The following MPP4 variants were observed in gnomAD, a reference collection of about 807,000 sequenced individuals.
MPP4 encodes MAGUK p55 subfamily member 4.
Under a neutral mutation model 98.3 loss-of-function variants are expected in MPP4, and 91 were observed. The ratio of observed to expected loss-of-function variants is 0.93; its 90% confidence interval spans 0.78 to 1.10. The LOEUF (loss-of-function observed/expected upper bound fraction) is 1.10, where lower values mean the gene tolerates loss of function less well. MPP4 is among the 50% of genes least tolerant of loss of function. The pLI, the probability that MPP4 is intolerant of heterozygous loss-of-function variation, is 0.00. For missense variants in MPP4, 744 were observed against 792.9 expected, an observed-to-expected ratio of 0.94 and a Z score of 0.74; for synonymous variants, 261 against 271.8, an observed-to-expected ratio of 0.96 and a Z score of 0.39.
chr2:201,655,351 C>G (rs1162708527), intron 17 of MPP4, among the ~76,000 whole-genome samples: 1 of 152,202 alleles, frequency 6.6e-6, no homozygotes, highest in Non-Finnish European at 1.5e-5. Flanking sequence ...GATGATCGAT[C>G]AGCACCCCCA....
At chr2:201,663,724 A>G (rs1688088038) in intron 14 of MPP4, among the ~76,000 whole-genome samples, 1 of 152,086 alleles carries the variant, frequency 6.6e-6, no homozygotes, top group African/African-American at 2.4e-5. Context: ...CTCAAAATAA[A>G]TAAATAAATT....
rs552570147 is a variant in MPP4 at position 201,650,490 on chromosome 2, G to T, written c.1382-325C>A. The T allele has an allele frequency of 1.2e-3, 1,209 of 985,354 alleles. 1 individual carries two copies. The highest frequency in any genetic ancestry group is 1.4e-3 in the Non-Finnish European group (1,163 of 829,910). 61.0% of individuals were successfully genotyped at this position (985,354 alleles called of 1,614,324 possible). On this transcript the variant is annotated intron_variant, in intron 18 of 21. Transcript: ENST00000409474. The stretch of plus-strand genomic sequence containing the variant: ...TGTGTGAACCTTTAGATGCCTGAAA[G>T]CTCCCAGGTAGCAATACCAATAATA...
chr2:201,668,449 T>TTTCTC (rs113238787), intron 12 of MPP4, among the ~76,000 whole-genome samples: 24,729 of 149,696 alleles, frequency 0.17, 2,189 homozygotes, highest in African/African-American at 0.23. Flanking sequence ...TCTCTCTCTC[T>TTTCTC]TTCTCTTCTC....
intron 1 of MPP4, among the ~76,000 whole-genome samples, chr2:201,696,582 C>T (rs188948872): frequency 3.7e-4 from 56 of 152,266 alleles, no homozygotes; most frequent in African/African-American, 1.2e-3. Context: ...ATTTAATGCC[C>T]GAATGACTGT....
At chr2:201,645,645 A>G (rs1210817815) in intron 21 of MPP4, among the ~76,000 whole-genome samples, 1 of 152,080 alleles carries the variant, frequency 6.6e-6, no homozygotes, top group East Asian at 1.9e-4. Context: ...GTGGCTAAGT[A>G]TAGATAAAAT....
chr2:201,673,587 G>T (rs751768653), intron 11 of MPP4: 19 of 186,994 alleles, frequency 1.0e-4, no homozygotes, highest in Middle Eastern at 5.0e-4. Context: ...GAAAAAAAAA[G>T]ATGTTAAGTT....
At chr2:201,655,159 C>A (rs1284295612) in intron 17 of MPP4, among the ~76,000 whole-genome samples, 2 of 152,204 alleles carry the variant, frequency 1.3e-5, no homozygotes, top group East Asian at 1.9e-4. Flanking sequence ...ATCACAGGAA[C>A]CTGACCCCCA....
At chr2:201,698,139 T>G (rs1481672045) in intron 1 of MPP4, 1 of 851,718 alleles carries the variant, frequency 1.2e-6, no homozygotes, top group Non-Finnish European at 1.3e-6. Context: ...TCCTAAATCT[T>G]GTTTTAAAAG....
intron 13 of MPP4, 49 bp from the exon 14 acceptor site, chr2:201,664,150 T>C: frequency 1.3e-6 from 2 of 1,524,880 alleles, no homozygotes; most frequent in South Asian, 1.2e-5. Flanking sequence ...TACATGACCA[T>C]CTACACTGAG....
chr2:201,683,042 A>T, intron 7 of MPP4, 126 bp from the exon 8 acceptor site: 1 of 638,998 alleles, frequency 1.6e-6, no homozygotes. Context: ...ATATAAAATA[A>T]TAATAGAAAA....
rs1332800474 is a variant in MPP4, at chr2:201,678,903, A to G, written c.929+1935T>C. On this transcript the variant is annotated intron_variant, in intron 10 of 21. Coordinates refer to ENST00000409474, the MANE Select transcript of MPP4 (RefSeq NM_033066.3). ...AGTTCTCAATGATTTTATCACACATACAAATGTCCCTTTCAGCACCCTGGC... is the reference window on the plus strand; with the variant it reads ...AGTTCTCAATGATTTTATCACACATGCAAATGTCCCTTTCAGCACCCTGGC... Among the ~76,000 whole-genome samples, 5 of 152,030 alleles carry G rather than the reference A, an allele frequency of 3.3e-5. No homozygotes were observed. The South Asian group carries it at 1.0e-3, about 32-fold the overall frequency.
intron 11 of MPP4, among the ~76,000 whole-genome samples, chr2:201,674,894 A>C (rs920216336): frequency 2.6e-5 from 4 of 152,052 alleles, no homozygotes; most frequent in African/African-American, 9.7e-5. Flanking sequence ...ATCTGGACCC[A>C]CCAACCAATG....
rs762246452 is a variant in MPP4, at chr2:201,645,397, T to C, written c.1727A>G (p.Asp576Gly). ...YYVDMKFKDE[D>G]LQEMENLAQR... ...GGCTAAATTTTCCATCTCTTGTAGG[T>C]CTTCATCCTTTAGGAGAAATAGAAA... Residue 576 changes from aspartate to glycine, a missense_variant, in exon 22 of 22, where the codon GAC becomes GGC. Coordinates refer to ENST00000409474, the MANE Select transcript of MPP4 (RefSeq NM_033066.3). The C allele has an allele frequency of 3.3e-5, 54 of 1,613,818 alleles. No homozygotes were observed. Among genetic ancestry groups the C allele is most frequent in the Non-Finnish European group, 4.5e-5 (53 of 1,179,760 alleles).
At position 201,678,172 on chromosome 2, in the gene MPP4, C is replaced by G. The variant is rs142591959; in HGVS notation, c.929+2666G>C. On this transcript the variant is annotated intron_variant, in intron 10 of 21. Coordinates refer to ENST00000409474, the MANE Select transcript of MPP4 (RefSeq NM_033066.3). ...TATCATTCTTTGTTTGTGTGCCCCCCCAAGAAACCCATAATTGGGTTTTGT... is the reference window on the plus strand; with the variant it reads ...TATCATTCTTTGTTTGTGTGCCCCCGCAAGAAACCCATAATTGGGTTTTGT... 2.3e-3 allele frequency among the ~76,000 whole-genome samples: 345 copies of G among 152,262 alleles called. 2 individuals are homozygous for G. Among genetic ancestry groups the G allele is most frequent in the African/African-American group, 6.9e-3 (288 of 41,538 alleles).
chr2:201,668,969 C>G (rs1278682012), intron 12 of MPP4, among the ~76,000 whole-genome samples: 1 of 152,094 alleles, frequency 6.6e-6, no homozygotes, highest in East Asian at 1.9e-4. Context: ...CATAGATCAG[C>G]CTTCAAAAGT....
intron 9 of MPP4, among the ~76,000 whole-genome samples, chr2:201,681,293 C>T (rs1461157600): frequency 6.6e-6 from 1 of 152,138 alleles, no homozygotes; most frequent in Non-Finnish European, 1.5e-5. Context: ...TATGTTGCTT[C>T]TTGACTTCTT....
In MPP4 at chr2:201,653,339, T is replaced by G. The variant is rs188178510; in HGVS notation, c.1381+1498A>C. On this transcript the variant is annotated intron_variant, in intron 18 of 21. Coordinates refer to ENST00000409474, the MANE Select transcript of MPP4 (RefSeq NM_033066.3). ...TAGGAAGCTCTCCAAGTGGTTCCCC[T>G]AGGTTCCTCTGTCTTGCCTTGAGGG... is the stretch of plus-strand genomic sequence containing the variant. Among the ~76,000 whole-genome samples the G allele has an allele frequency of 3.7e-4, 57 of 152,184 alleles. 1 individual carries two copies. In the East Asian group the frequency reaches 0.01, roughly 28 times the overall value.
intron 4 of MPP4, among the ~76,000 whole-genome samples, chr2:201,689,208 C>T (rs1196266494): frequency 6.6e-6 from 1 of 152,066 alleles, no homozygotes; most frequent in African/African-American, 2.4e-5. Flanking sequence ...TCCTGTTGTC[C>T]TAGCAACTCA....
chr2:201,664,801 T>C (rs1273466027), intron 13 of MPP4, among the ~76,000 whole-genome samples: 2 of 152,146 alleles, frequency 1.3e-5, no homozygotes, highest in Non-Finnish European at 2.9e-5. Flanking sequence ...TGTAGCACTG[T>C]TTATAATAGA....
Sources: gnomAD v4.1 joint callset for allele counts (sites outside exome capture counted in the v4.1 genomes callset) on GRCh38, gnomAD v4.1.1 for gene constraint, MANE v1.5 for transcripts, NCBI Gene and HGNC (gene_info 2026-07-23, HGNC 2026-07-21) for gene names.